ZFPM2: variants seen among roughly 807,000 people sequenced by gnomAD.
The protein encoded by ZFPM2 is zinc finger protein ZFPM2.
Under a neutral mutation model 98.6 loss-of-function variants are expected in ZFPM2, and 20 were observed. That is an observed-to-expected ratio of 0.20 (90% CI 0.14 to 0.29). ZFPM2 has a LOEUF of 0.29. Among genes scored for constraint, ZFPM2 ranks in the 10% least tolerant of loss-of-function variants. ZFPM2 has a pLI of 1.00. For missense variants in ZFPM2, 1,310 were observed against 1,388.6 expected, an observed-to-expected ratio of 0.94 and a Z score of 0.90; for synonymous variants, 518 against 502.7, an observed-to-expected ratio of 1.03 and a Z score of -0.41.
chr8:105,532,060 C>T (rs777833023), intron 3 of ZFPM2, among the ~76,000 whole-genome samples: 3 of 151,992 alleles, frequency 2.0e-5, no homozygotes, highest in Non-Finnish European at 2.9e-5. Flanking sequence ...ACCACCACAC[C>T]TGGCTAATTT....
intron 4 of ZFPM2, among the ~76,000 whole-genome samples, chr8:105,600,390 G>A (rs1478847245): frequency 2.6e-5 from 4 of 151,982 alleles, no homozygotes; most frequent in Non-Finnish European, 4.4e-5. Flanking sequence ...TTTGAGTAAG[G>A]AAAACTGCAT....
chr8:105,517,707 C>CACCACACACACACACACACACA (rs61552974), intron 3 of ZFPM2, among the ~76,000 whole-genome samples: 2,430 of 124,842 alleles, frequency 0.019, 42 homozygotes, highest in East Asian at 0.03. Context: ...CACACACACA[C>CACCACACACACACACACACACA]CACACACACA....
chr8:105,769,156 ACTGT>A (rs1586250176), intron 5 of ZFPM2, among the ~76,000 whole-genome samples: 1 of 151,962 alleles, frequency 6.6e-6, no homozygotes, highest in African/African-American at 2.4e-5. Flanking sequence ...ACTTTTGTTT[ACTGT>A]CTATCCTCCA....
At chr8:105,575,791 G>A (rs1586473612) in intron 4 of ZFPM2, among the ~76,000 whole-genome samples, 2 of 152,228 alleles carry the variant, frequency 1.3e-5, no homozygotes, top group South Asian at 4.1e-4. Flanking sequence ...CAAGTGGCCT[G>A]TACATTTTAT....
chr8:105,605,517 T>A (rs1474066576), intron 4 of ZFPM2, among the ~76,000 whole-genome samples: 2 of 152,046 alleles, frequency 1.3e-5, no homozygotes, highest in Admixed American at 6.6e-5. Context: ...GGACTGACAG[T>A]TGTGGATTTC....
chr8:105,487,640 A>G (rs1813255788), intron 3 of ZFPM2, among the ~76,000 whole-genome samples: 2 of 152,230 alleles, frequency 1.3e-5, no homozygotes, highest in African/African-American at 4.8e-5. Flanking sequence ...TTTATTTACA[A>G]AAGCAGATGG....
chr8:105,339,797 C>T (rs1812393680), intron 1 of ZFPM2, among the ~76,000 whole-genome samples: 2 of 152,004 alleles, frequency 1.3e-5, no homozygotes, highest in South Asian at 2.1e-4. Flanking sequence ...TTCTCTCTCT[C>T]GCTCTGCTTT....
At chr8:105,419,488 A>AT (rs1204076084) in intron 2 of ZFPM2, among the ~76,000 whole-genome samples, 186 bp downstream of exon 2, 1 of 152,130 alleles carries the variant, frequency 6.6e-6, no homozygotes, top group African/African-American at 2.4e-5. Context: ...ATAACCAGTA[A>AT]TTTTTTATAT....
Position 105,427,324 on chromosome 8 carries a change from T to C in ZFPM2, c.199+8022T>C, listed in dbSNP as rs74897258. 9.2e-3 allele frequency among the ~76,000 whole-genome samples: 1,395 copies of C among 152,280 alleles called. 16 individuals carry two copies. Among genetic ancestry groups the C allele is most frequent in the African/African-American group, 0.031 (1,283 of 41,550 alleles). The stretch of plus-strand genomic sequence containing the variant: ...AACCAAATTAAAGTGATTAATTTTA[T>C]ACAATGTTTGAAATGACCCATGGTC... On this transcript the variant is annotated intron_variant, in intron 2 of 7. Transcript: ENST00000407775.
intron 3 of ZFPM2, among the ~76,000 whole-genome samples, chr8:105,528,590 G>A (rs1814225539): frequency 6.6e-6 from 1 of 152,138 alleles, no homozygotes; most frequent in Non-Finnish European, 1.5e-5. Flanking sequence ...AGATTGATAA[G>A]TATGGGGTGG....
chr8:105,769,174 C>CTG (rs1812927689), intron 5 of ZFPM2, among the ~76,000 whole-genome samples: 4 of 151,968 alleles, frequency 2.6e-5, no homozygotes, highest in Admixed American at 2.6e-4. Flanking sequence ...TCCTCCAAAA[C>CTG]ACATATTCAC....
At chr8:105,394,555 T>G (rs138476762) in intron 1 of ZFPM2, among the ~76,000 whole-genome samples, 29 of 152,292 alleles carry the variant, frequency 1.9e-4, no homozygotes, top group African/African-American at 6.3e-4. Context: ...GCTGAGTAGG[T>G]ATAATGTATC....
intron 3 of ZFPM2, among the ~76,000 whole-genome samples, chr8:105,528,691 A>G (rs1028953677): frequency 6.6e-6 from 1 of 152,188 alleles, no homozygotes; most frequent in African/African-American, 2.4e-5. Flanking sequence ...TTCTAAAAGC[A>G]TGAAAGGAAA....
intron 1 of ZFPM2, among the ~76,000 whole-genome samples, chr8:105,338,783 A>C (rs552513238): frequency 6.6e-6 from 1 of 152,004 alleles, no homozygotes; most frequent in Non-Finnish European, 1.5e-5. Flanking sequence ...GTCTTACCTT[A>C]AGGTTGTAGT....
chr8:105,373,212 G>A (rs1479719575), intron 1 of ZFPM2, among the ~76,000 whole-genome samples: 1 of 152,156 alleles, frequency 6.6e-6, no homozygotes, highest in Admixed American at 6.5e-5. Flanking sequence ...TCTAGAAAGA[G>A]TCAAAACAAC....
chr8:105,609,147 A>C (rs1450167), intron 4 of ZFPM2, among the ~76,000 whole-genome samples: 15,204 of 152,162 alleles, frequency 0.1, 1,008 homozygotes, highest in Middle Eastern at 0.22. Context: ...GGGTGAACTG[A>C]AGGAGGGGAG....
At chr8:105,533,970 C>CT (rs1814365583) in intron 3 of ZFPM2, among the ~76,000 whole-genome samples, 1 of 23,820 alleles carries the variant, frequency 4.2e-5, no homozygotes, top group Non-Finnish European at 7.4e-5. Context: ...CTCCCTCCCT[C>CT]TCCTCCCTCC....
At position 105,453,939 on chromosome 8, in the gene ZFPM2, G is replaced by A. The variant is rs373058768; in HGVS notation, c.301+9558G>A. ...TCAGAAATCATGTCATTTCACTCAC[G>A]GGTACTTTGATAGTCTCTCTAATAA... On this transcript the variant is annotated intron_variant, in intron 3 of 7. Coordinates refer to ENST00000407775, the MANE Select transcript of ZFPM2 (RefSeq NM_012082.4). 7.2e-4 allele frequency among the ~76,000 whole-genome samples: 110 copies of A among 151,980 alleles called. 1 individual carries two copies. The South Asian group carries it at 0.021, about 28-fold the overall frequency.
At chr8:105,409,670 C>T (rs1169672721) in intron 1 of ZFPM2, among the ~76,000 whole-genome samples, 1 of 151,840 alleles carries the variant, frequency 6.6e-6, no homozygotes. Flanking sequence ...ATAATTTATA[C>T]TATTACAAAG....
Sources: gnomAD v4.1 joint callset for allele counts (sites outside exome capture counted in the v4.1 genomes callset) on GRCh38, gnomAD v4.1.1 for gene constraint, MANE v1.5 for transcripts, NCBI Gene and HGNC (gene_info 2026-07-23, HGNC 2026-07-21) for gene names.